KCNJ12: variants seen among roughly 807,000 people sequenced by gnomAD.
The protein encoded by KCNJ12 is ATP-sensitive inward rectifier potassium channel 12.
Under a neutral mutation model 22.3 loss-of-function variants are expected in KCNJ12, and 2 were observed. That is an observed-to-expected ratio of 0.09 (90% CI 0.04 to 0.28). The LOEUF (loss-of-function observed/expected upper bound fraction) is 0.28. Among genes scored for constraint, KCNJ12 ranks in the 10% least tolerant of loss-of-function variants. KCNJ12 has a pLI of 1.00. For synonymous variants in KCNJ12, 117 were observed against 261.4 expected, an observed-to-expected ratio of 0.45 and a Z score of 5.33; for missense variants, 155 against 633.3, an observed-to-expected ratio of 0.24 and a Z score of 8.11.
At chr17:21,387,489 A>G (rs1180207862) in intron 1 of KCNJ12, among the ~76,000 whole-genome samples, 3 of 150,082 alleles carry the variant, frequency 2.0e-5, no homozygotes, top group African/African-American at 7.4e-5. Flanking sequence ...TTTTAGAACC[A>G]TACTTTGGAG....
At chr17:21,377,151 A>G (rs182908908) in intron 1 of KCNJ12, among the ~76,000 whole-genome samples, 1 of 152,246 alleles carries the variant, frequency 6.6e-6, no homozygotes, top group African/African-American at 2.4e-5. Flanking sequence ...CTACCACCAC[A>G]AGGAACTTTG....
chr17:21,397,513 T>A (rs541796241), intron 1 of KCNJ12, among the ~76,000 whole-genome samples: 1 of 152,334 alleles, frequency 6.6e-6, no homozygotes, highest in Non-Finnish European at 1.5e-5. Context: ...TGGGTCGTCC[T>A]CCCGCCCGGC....
At chr17:21,412,620 C>T (rs1906427186) in intron 2 of KCNJ12, among the ~76,000 whole-genome samples, 2 of 152,302 alleles carry the variant, frequency 1.3e-5, no homozygotes, top group African/African-American at 2.4e-5. Context: ...CTTCCCAGCA[C>T]AGCCTCAGGG....
intron 1 of KCNJ12, among the ~76,000 whole-genome samples, chr17:21,377,586 G>C (rs1330472809): frequency 6.6e-6 from 1 of 152,078 alleles, no homozygotes; most frequent in African/African-American, 2.4e-5. Flanking sequence ...GGTCCACCCT[G>C]CGCGCGCACG....
At chr17:21,388,449 G>A (rs1168339253) in intron 1 of KCNJ12, among the ~76,000 whole-genome samples, 1 of 152,206 alleles carries the variant, frequency 6.6e-6, no homozygotes, top group East Asian at 1.9e-4. Context: ...GGAGGTGGGT[G>A]TAGGTGGGAT....
rs1295660323 is a variant in KCNJ12 at position 21,408,619 on chromosome 17, C to CATAGAAG, written c.-71_-65dup. 1.3e-5 allele frequency: 2 copies of CATAGAAG among 152,504 alleles called. No homozygotes were observed. The highest frequency in any genetic ancestry group is 2.9e-5 in the Non-Finnish European group (2 of 68,194). 9.4% of individuals were successfully genotyped at this position (152,504 alleles called of 1,614,324 possible). A position where few individuals can be genotyped will look rare whatever the true frequency, so the allele number is the denominator to read the frequency against. On this transcript the variant is annotated 5_prime_UTR_variant, in exon 2 of 3. Transcript: ENST00000583088. ...GTACCGTGCCCACTCAGCACCATTA[C>CATAGAAG]ATAGAAGATAGAACTCAAGAGGTAA...
intron 1 of KCNJ12, among the ~76,000 whole-genome samples, chr17:21,400,873 C>T (rs1905576657): frequency 6.6e-6 from 1 of 152,298 alleles, no homozygotes; most frequent in Admixed American, 6.5e-5. Context: ...CTTATGAGCG[C>T]CCTAACTAGC....
At chr17:21,410,898 C>G (rs1248126087) in intron 2 of KCNJ12, among the ~76,000 whole-genome samples, 39 of 152,408 alleles carry the variant, frequency 2.6e-4, no homozygotes, top group South Asian at 8.3e-4. Context: ...TTTATTAAAG[C>G]TCTTAGAAGA....
chr17:21,385,764 G>A (rs2144769455), intron 1 of KCNJ12, among the ~76,000 whole-genome samples: 1 of 152,356 alleles, frequency 6.6e-6, no homozygotes, highest in Non-Finnish European at 1.5e-5. Context: ...GCAGCACCAG[G>A]GCTCATGACC....
intron 2 of KCNJ12, among the ~76,000 whole-genome samples, chr17:21,411,422 C>G (rs1879553231): frequency 6.6e-6 from 1 of 152,252 alleles, no homozygotes; most frequent in Non-Finnish European, 1.5e-5. Context: ...CCTGCTCTCT[C>G]CCTCCTGGGT....
In KCNJ12 at chr17:21,376,950, G is replaced by C. The variant is rs1904677075; in HGVS notation, c.-179+37G>C. 6.6e-6 allele frequency: 1 copy of C among 152,126 alleles called. No individual in the cohort carries two copies. The highest frequency in any genetic ancestry group is 2.1e-4 in the South Asian group (1 of 4,834). The allele number at this position is 152,126 out of a possible 1,614,324, so 9.4% of individuals were successfully genotyped here. On this transcript the variant is annotated intron_variant, in intron 1 of 2. Coordinates refer to ENST00000583088, the MANE Select transcript of KCNJ12 (RefSeq NM_021012.5). The surrounding 1 kb of genome is among the most constrained non-coding windows in gnomAD (Gnocchi z 5.3). ...GCCGCGGGCGCATGGTCCCTCCCGG[G>C]CCCGGCCCCAGTTCCCCGCAGGCCG... is the stretch of plus-strand genomic sequence containing the variant.
chr17:21,391,331 C>T (rs373986833), intron 1 of KCNJ12, among the ~76,000 whole-genome samples: 57 of 152,312 alleles, frequency 3.7e-4, no homozygotes, highest in African/African-American at 1.2e-3. Flanking sequence ...GCGGCAGCCC[C>T]GCCAAACTCT....
Position 21,396,686 on chromosome 17 carries a change from G to A in KCNJ12, c.-178-11833G>A, listed in dbSNP as rs149484745. On this transcript the variant is annotated intron_variant, in intron 1 of 2. Transcript: ENST00000583088. ...TCTGTGAGGATGACGACAAGAGGAT[G>A]TGATTCAAGGGCTCTTCACAGTGGT... 1.6e-3 allele frequency among the ~76,000 whole-genome samples: 245 copies of A among 152,336 alleles called. 1 individual carries two copies. The highest frequency in any genetic ancestry group is 5.8e-3 in the African/African-American group (241 of 41,578).
intron 1 of KCNJ12, among the ~76,000 whole-genome samples, chr17:21,385,750 CT>C (rs1905051498): frequency 6.6e-6 from 1 of 152,262 alleles, no homozygotes; most frequent in Non-Finnish European, 1.5e-5. Context: ...GATGCCCTGA[CT>C]CTGCAGCACC....
At chr17:21,403,707 AAGGGAGAGGGTGGGAGGAC>A (rs1348925718) in intron 1 of KCNJ12, among the ~76,000 whole-genome samples, 89 of 152,268 alleles carry the variant, frequency 5.8e-4, no homozygotes, top group Middle Eastern at 3.4e-3. Context: ...AGCTGTGATG[AAGGGAGAGGGTGGGAGGAC>A]AGGGAGTTCC....
chr17:21,387,933 G>T (rs1905118597), intron 1 of KCNJ12, among the ~76,000 whole-genome samples: 2 of 152,104 alleles, frequency 1.3e-5, no homozygotes, highest in Non-Finnish European at 2.9e-5. Flanking sequence ...GGGTCGTGCT[G>T]GTTGGTAGCC....
rs782354275 is a variant in KCNJ12 at position 21,415,576 on chromosome 17, C to T, written c.234C>T (p.Ile78=). Reference sequence around the variant, plus strand: ...ACATGTTCACCACCTGTGTGGACATCCGCTGGCGGTACATGCTGCTCATCT... The same window carrying T: ...ACATGTTCACCACCTGTGTGGACATTCGCTGGCGGTACATGCTGCTCATCT... ...LADMFTTCVD[I]RWRYMLLIFS... is the part of the protein sequence containing the mutation. The change falls in exon 3 of 3, where the codon ATC becomes ATT. Residue 78 remains isoleucine (I), a synonymous_variant. Coordinates refer to ENST00000583088, the MANE Select transcript of KCNJ12 (RefSeq NM_021012.5). 90 of 1,613,738 alleles carry T rather than the reference C, an allele frequency of 5.6e-5. No individual in the cohort carries two copies. In the Admixed American group the frequency reaches 7.9e-4, roughly 14 times the overall value.
intron 1 of KCNJ12, among the ~76,000 whole-genome samples, chr17:21,386,649 A>AGCT (rs1388944335): frequency 7.2e-5 from 11 of 152,148 alleles, no homozygotes; most frequent in African/African-American, 2.2e-4. Flanking sequence ...CTAGGACTAC[A>AGCT]GGCATGCGCC....
intron 1 of KCNJ12, among the ~76,000 whole-genome samples, chr17:21,404,414 C>T (rs562310424): frequency 1.3e-5 from 2 of 152,286 alleles, no homozygotes; most frequent in East Asian, 3.8e-4. Context: ...CCCGAGGGCC[C>T]AGCGAGTTGT....
Sources: allele counts gnomAD v4.1 joint callset (sites outside exome capture counted in the v4.1 genomes callset), GRCh38; gene constraint gnomAD v4.1.1; non-coding constraint Gnocchi (gnomAD v3.1); transcripts MANE v1.5; gene names NCBI Gene and HGNC (gene_info 2026-07-23, HGNC 2026-07-21).